Variants in C5 observed in about 807,000 individuals in gnomAD.
The protein encoded by C5 is C3 and PZP-like alpha-2-macroglobulin domain-containing protein 4.
C5 carries 140 observed loss-of-function variants against 218.8 expected under a neutral mutation model. The ratio of observed to expected loss-of-function variants is 0.64; its 90% confidence interval spans 0.56 to 0.74. The LOEUF (loss-of-function observed/expected upper bound fraction) is 0.74, where lower values mean the gene tolerates loss of function less well. Among genes scored for constraint, C5 ranks in the 30% least tolerant of loss-of-function variants. C5 has a pLI of 0.00. For synonymous variants in C5, 614 were observed against 682.3 expected, an observed-to-expected ratio of 0.90 and a Z score of 1.56; for missense variants, 1,700 against 1,969.6, an observed-to-expected ratio of 0.86 and a Z score of 2.59.
chr9:121,016,027 G>C (rs2047304096), intron 15 of C5, among the ~76,000 whole-genome samples: 1 of 152,212 alleles, frequency 6.6e-6, no homozygotes, highest in Non-Finnish European at 1.5e-5. Flanking sequence ...AGCAGGGTAA[G>C]AGCTAGTTGG....
chr9:121,050,235 C>A lies in C5; in HGVS notation c.12G>T (p.Leu4Phe), dbSNP rs35352264. 9.7e-5 allele frequency: 157 copies of A among 1,613,756 alleles called. 1 individual carries two copies. In the African/African-American group the frequency reaches 1.9e-3, roughly 20 times the overall value. Residue 4 changes from leucine (L) to phenylalanine (F), a missense_variant, in exon 1 of 41, where the codon TTG becomes TTT. By Grantham distance (22) the Leu-to-Phe change is conservative (BLOSUM62 0). Transcript: ENST00000223642. Reference protein sequence around the residue: MGLLGILCFLIFLG... With the variant: MGLFGILCFLIFLG... ...GGAAGATTAAAAAACAAAGTATTCC[C>A]AAAAGGCCCATGGTTGGAGGTAGCA...
At chr9:120,978,038 G>A (rs79530705) in intron 28 of C5, among the ~76,000 whole-genome samples, 1 of 151,942 alleles carries the variant, frequency 6.6e-6, no homozygotes, top group Non-Finnish European at 1.5e-5. Context: ...AAATAAACTG[G>A]AGAACCTTTT....
Position 120,957,345 on chromosome 9 carries a change from T to A in C5, c.4702A>T (p.Ile1568Phe). The A allele has an allele frequency of 1.2e-6, 2 of 1,612,986 alleles. No homozygotes were observed. The highest frequency in any genetic ancestry group is 1.7e-6 in the Non-Finnish European group (2 of 1,179,224). ...AYAYKVSITS[I>F]TVENVFVKYK... Reference sequence around the variant, plus strand: ...TTGACAAAAACATTTTCTACAGTGATGGATGTGATGCTAACTTTATAAGCT... The same window carrying A: ...TTGACAAAAACATTTTCTACAGTGAAGGATGTGATGCTAACTTTATAAGCT... The change falls in exon 39 of 41, where the codon ATC becomes TTC. Residue 1568 changes from isoleucine (I) to phenylalanine (F), a missense_variant. Coordinates refer to ENST00000223642, the MANE Select transcript of C5 (RefSeq NM_001735.3).
At chr9:120,962,527 T>C (rs930028467) in intron 36 of C5, 144 bp downstream of exon 36, 2 of 740,584 alleles carry the variant, frequency 2.7e-6, no homozygotes, top group Non-Finnish European at 4.9e-6. Flanking sequence ...GCAGTAGTTT[T>C]GAATGTTCAA....
intron 20 of C5, among the ~76,000 whole-genome samples, chr9:121,004,059 T>C (rs1398293099): frequency 6.6e-6 from 1 of 152,042 alleles, no homozygotes; most frequent in Non-Finnish European, 1.5e-5. Context: ...TTAGTAGAGA[T>C]GGGGTTTCAC....
intron 33 of C5, among the ~76,000 whole-genome samples, chr9:120,965,795 A>G (rs2046863160): frequency 6.6e-6 from 1 of 152,138 alleles, no homozygotes; most frequent in Non-Finnish European, 1.5e-5. Flanking sequence ...AGGATGGAAA[A>G]GGGCCTCCCG....
Position 120,982,065 on chromosome 9 carries a change from G to A in C5, c.3391-126C>T, listed in dbSNP as rs1031461752. 5 of 718,612 alleles carry A rather than the reference G, an allele frequency of 7.0e-6. No homozygotes were observed. In the African/African-American group the frequency reaches 8.7e-5, roughly 13 times the overall value. 44.5% of individuals were successfully genotyped at this position (718,612 alleles called of 1,614,324 possible). The stretch of plus-strand genomic sequence containing the variant: ...CTCACTCTGTCACCCAAGCTGGAGT[G>A]CAATGGCTTGATCTTGGCTCACTGC... On this transcript the variant is annotated intron_variant, in intron 26 of 40. Coordinates refer to ENST00000223642, the MANE Select transcript of C5 (RefSeq NM_001735.3).
At chr9:121,062,931 A>G in the C5 span, among the ~76,000 whole-genome samples, 1 of 151,966 alleles carries the variant, frequency 6.6e-6, no homozygotes, top group Non-Finnish European at 1.5e-5. Flanking sequence ...CAGTTTTATT[A>G]TGATGTAGTC....
intron 6 of C5, among the ~76,000 whole-genome samples, chr9:121,031,667 T>C (rs2047475602): frequency 6.6e-6 from 1 of 152,204 alleles, no homozygotes; most frequent in African/African-American, 2.4e-5. Context: ...CTCTAGCCAG[T>C]ACTTCTAGCC....
intron 12 of C5, among the ~76,000 whole-genome samples, chr9:121,019,472 T>C (rs1470624284): frequency 6.6e-6 from 1 of 152,216 alleles, no homozygotes; most frequent in East Asian, 1.9e-4. Flanking sequence ...AATGATGCAA[T>C]AGGGATGTTG....
In C5 at chr9:121,017,351, C is replaced by A. The variant is rs2047316257; in HGVS notation, c.1866+11G>T. ...TCATGCAACACTGCAGCGAGACATG[C>A]ATTACTTAACTCTTTCCAAGGGCTT... is the stretch of plus-strand genomic sequence containing the variant. On this transcript the variant is annotated intron_variant, in intron 14 of 40. Transcript: ENST00000223642. The A allele has an allele frequency of 6.2e-7, 1 of 1,613,460 alleles. No homozygotes were observed. The highest frequency in any genetic ancestry group is 2.2e-5 in the East Asian group (1 of 44,858).
rs2047234653 is a variant in C5, at chr9:121,008,486, A to G, written c.2270T>C (p.Leu757Pro). The stretch of plus-strand genomic sequence containing the variant: ...AATTTCTGGCTTGCTTACTGGTAAC[A>G]GGGTCTTCATGTCTGGACAAAAAAA... ...MQLGRLHMKT[L>P]LPVSKPEIRS... is the part of the protein sequence containing the mutation. The change falls in exon 18 of 41, where the codon CTG becomes CCG. Residue 757 changes from leucine to proline, a missense_variant. Coordinates refer to ENST00000223642, the MANE Select transcript of C5 (RefSeq NM_001735.3). 1.2e-6 allele frequency: 2 copies of G among 1,612,800 alleles called. No homozygotes were observed. The highest frequency in any genetic ancestry group is 1.1e-5 in the South Asian group (1 of 91,058).
At chr9:120,972,791 A>T (rs190301463) in intron 30 of C5, among the ~76,000 whole-genome samples, 1 of 152,330 alleles carries the variant, frequency 6.6e-6, no homozygotes, top group Admixed American at 6.5e-5. Context: ...TGCAAGATGG[A>T]TTGGGCATAT....
intron 29 of C5, among the ~76,000 whole-genome samples, chr9:120,976,209 A>G (rs922156587): frequency 6.6e-6 from 1 of 152,260 alleles, no homozygotes; most frequent in Admixed American, 6.5e-5. Context: ...TTATACGACT[A>G]CATAATAATT....
In C5 at chr9:121,034,897, G is replaced by C; in HGVS notation, c.493-3C>G. 6.5e-7 allele frequency: 1 copy of C among 1,538,378 alleles called. No homozygotes were observed. Among genetic ancestry groups the C allele is most frequent in the Non-Finnish European group, 9.0e-7 (1 of 1,115,546 alleles). On this transcript the variant is annotated splice_polypyrimidine_tract_variant and splice_region_variant and intron_variant, in intron 4 of 40. Transcript: ENST00000223642. The stretch of plus-strand genomic sequence containing the variant: ...TCAACTTCTGATCCTTCAGGATCCT[G>C]TAAATAAAAACAAACACCCTCAAAG...
intron 36 of C5, among the ~76,000 whole-genome samples, chr9:120,961,993 G>A (rs1395489804): frequency 6.6e-6 from 1 of 152,144 alleles, no homozygotes; most frequent in Non-Finnish European, 1.5e-5. Context: ...AAACTAGAAT[G>A]AATGGGTGTC....
rs2047462860 is a variant in C5 at position 121,030,320 on chromosome 9, T to C, written c.758+77A>G. ...TGATAATAAATCACAGATCTCACTT[T>C]GGGCAACTATCATCAACCAGAGTTG... On this transcript the variant is annotated intron_variant, in intron 7 of 40. Coordinates refer to ENST00000223642, the MANE Select transcript of C5 (RefSeq NM_001735.3). 4 of 748,244 alleles carry C rather than the reference T, an allele frequency of 5.3e-6. No homozygotes were observed. The East Asian group carries it at 8.2e-5, about 15-fold the overall frequency. The allele number at this position is 748,244 out of a possible 1,614,324, so 46.4% of individuals were successfully genotyped here. A position where few individuals can be genotyped will look rare whatever the true frequency, so the allele number is the denominator to read the frequency against.
intron 14 of C5, 145 bp downstream of exon 14, chr9:121,017,217 C>T: frequency 5.7e-6 from 5 of 873,764 alleles, no homozygotes; most frequent in East Asian, 5.1e-5. Context: ...TGGGAGCTGA[C>T]AGGAGGATGG....
chr9:120,960,448 C>T, intron 37 of C5, 111 bp from the exon 38 acceptor site: 1 of 720,720 alleles, frequency 1.4e-6, no homozygotes, highest in South Asian at 1.5e-5. Context: ...TATAACCTTA[C>T]AAATGTCAGA....
Sources: gnomAD v4.1 joint callset for allele counts (sites outside exome capture counted in the v4.1 genomes callset) on GRCh38, gnomAD v4.1.1 for gene constraint, MANE v1.5 for transcripts, NCBI Gene and HGNC (gene_info 2026-07-23, HGNC 2026-07-21) for gene names.